Variants in PDGFRL observed in about 807,000 individuals in gnomAD.
PDGFRL encodes the protein platelet-derived growth factor receptor-like protein.
In PDGFRL, 46 loss-of-function variants were observed where a neutral mutation model predicts 37.2. The ratio of observed to expected loss-of-function variants is 1.24; its 90% CI spans 0.98 to 1.58. PDGFRL has a LOEUF of 1.58. PDGFRL is among the 40% of genes most tolerant of loss of function. The pLI is 0.00. For missense variants in PDGFRL, 692 were observed against 467.6 expected (o/e 1.48, Z -4.43); for synonymous variants, 251 against 184.3 (o/e 1.36, Z -2.93).
At chr8:17,628,267 T>C (rs1243686195) in intron 3 of PDGFRL, among the ~76,000 whole-genome samples, 1 of 152,056 alleles carries the variant, frequency 6.6e-6, no homozygotes, top group Non-Finnish European at 1.5e-5. Flanking sequence ...GTGCTGGGAT[T>C]ACAGGTGTGA....
At chr8:17,607,332 ATAGTTTTGGGGAAAACGTCTTC>A (rs1367300853) in intron 2 of PDGFRL, among the ~76,000 whole-genome samples, 1 of 152,158 alleles carries the variant, frequency 6.6e-6, no homozygotes, top group African/African-American at 2.4e-5. Context: ...AGCACGTTCT[ATAGTTTTGGGGAAAACGTCTTC>A]TGCTAACTCT....
Position 17,642,603 on chromosome 8 carries a change from C to T in PDGFRL, c.940-10C>T, listed in dbSNP as rs375509580. The T allele has an allele frequency of 3.0e-5, 48 of 1,580,710 alleles. No individual in the cohort carries two copies. Among genetic ancestry groups the T allele is most frequent in the South Asian group, 8.9e-5 (8 of 90,238 alleles). On this transcript the variant is annotated splice_polypyrimidine_tract_variant and intron_variant, in intron 5 of 5. Transcript: ENST00000251630. ...CTCTTGCTTCAGTCTTTGTGGGTGT[C>T]GTTAAACAGGATGAAAGGCCTGTGA...
At chr8:17,609,587 G>A (rs1486574491) in intron 2 of PDGFRL, among the ~76,000 whole-genome samples, 5 of 126,958 alleles carry the variant, frequency 3.9e-5, no homozygotes, top group Non-Finnish European at 6.3e-5. Context: ...GCAGTGAGCT[G>A]AGATCACGCC....
intron 2 of PDGFRL, chr8:17,596,448 G>C: frequency 2.1e-6 from 1 of 476,436 alleles, no homozygotes; most frequent in Non-Finnish European, 3.3e-6. Context: ...TAAAAAAACA[G>C]AATTGATATA....
intron 3 of PDGFRL, among the ~76,000 whole-genome samples, chr8:17,626,042 G>A (rs577544470): frequency 5.9e-5 from 9 of 152,226 alleles, no homozygotes; most frequent in East Asian, 1.9e-4. Flanking sequence ...AAATTCACAC[G>A]GTTCACTTAT....
rs17116461 is a variant in PDGFRL, at chr8:17,596,720, A to G, written c.353+6955A>G. On this transcript the variant is annotated intron_variant, in intron 2 of 5. Coordinates refer to ENST00000251630, the MANE Select transcript of PDGFRL (RefSeq NM_001372073.1). ...CACAGCAAGAGCCTTAGAAGAAAGT[A>G]ATGACAGATGTGGGCTTCCAAAAAC... Among the ~76,000 whole-genome samples the G allele has an allele frequency of 7.2e-3, 1,099 of 152,178 alleles. 16 individuals carry two copies. Among genetic ancestry groups the G allele is most frequent in the African/African-American group, 0.025 (1,033 of 41,438 alleles).
intron 2 of PDGFRL, among the ~76,000 whole-genome samples, chr8:17,597,892 T>C (rs1332030077): frequency 6.6e-6 from 1 of 152,208 alleles, no homozygotes; most frequent in Non-Finnish European, 1.5e-5. Flanking sequence ...TGTTGTAACC[T>C]GCAGTGATTT....
At chr8:17,620,130 T>C (rs1024505504) in intron 2 of PDGFRL, among the ~76,000 whole-genome samples, 1 of 152,136 alleles carries the variant, frequency 6.6e-6, no homozygotes, top group Non-Finnish European at 1.5e-5. Flanking sequence ...GCCAGGCTCA[T>C]TGTTTAATTT....
chr8:17,640,268 C>A (rs1216903590), intron 5 of PDGFRL, among the ~76,000 whole-genome samples: 1 of 152,144 alleles, frequency 6.6e-6, no homozygotes, highest in Non-Finnish European at 1.5e-5. Flanking sequence ...CTTCTGAATT[C>A]TTTTTCTGGC....
chr8:17,620,291 G>A (rs1804605005), intron 2 of PDGFRL, among the ~76,000 whole-genome samples: 4 of 152,056 alleles, frequency 2.6e-5, no homozygotes, highest in Admixed American at 2.0e-4. Flanking sequence ...TTTTAGTGGT[G>A]ACACATTGGT....
chr8:17,612,269 T>C (rs1179064405), intron 2 of PDGFRL, among the ~76,000 whole-genome samples: 1 of 152,226 alleles, frequency 6.6e-6, no homozygotes, highest in Non-Finnish European at 1.5e-5. Flanking sequence ...ATTTATGCAG[T>C]ATCTGTTTCA....
rs1186677501 is a variant in PDGFRL, at chr8:17,584,952, G to C, written c.56-4516G>C. On this transcript the variant is annotated intron_variant, in intron 1 of 5. Coordinates refer to ENST00000251630, the MANE Select transcript of PDGFRL (RefSeq NM_001372073.1). ...CTGCTTATACTTACGGTTACTTCTT[G>C]ATTATATGCTAAACAAGGGGTGGAT... Among the ~76,000 whole-genome samples the C allele has an allele frequency of 2.6e-5, 4 of 152,086 alleles. 1 individual carries two copies. The highest frequency in any genetic ancestry group is 3.9e-4 in the East Asian group (2 of 5,186).
chr8:17,591,757 C>G (rs1026482130), intron 2 of PDGFRL, among the ~76,000 whole-genome samples: 1 of 152,038 alleles, frequency 6.6e-6, no homozygotes, highest in Non-Finnish European at 1.5e-5. Flanking sequence ...TCTCTACTAA[C>G]AATATAAAAA....
In PDGFRL at chr8:17,589,176, G is replaced by A. The variant is rs556837422; in HGVS notation, c.56-292G>A. 5.4e-4 allele frequency among the ~76,000 whole-genome samples: 82 copies of A among 152,136 alleles called. 2 individuals carry two copies. The highest frequency in any genetic ancestry group is 1.5e-3 in the South Asian group (7 of 4,820). ...GTGGATCACCTGAGGTCAGGACTTCGAGACCAGCCTGACCAACGTGCTGAG... is the reference window on the plus strand; with the variant it reads ...GTGGATCACCTGAGGTCAGGACTTCAAGACCAGCCTGACCAACGTGCTGAG... On this transcript the variant is annotated intron_variant, in intron 1 of 5. Transcript: ENST00000251630.
At chr8:17,583,917 C>G (rs1055791197) in intron 1 of PDGFRL, among the ~76,000 whole-genome samples, 1 of 152,172 alleles carries the variant, frequency 6.6e-6, no homozygotes, top group Non-Finnish European at 1.5e-5. Flanking sequence ...TTCTGGCCAG[C>G]AGAACTGTGA....
chr8:17,623,900 G>C (rs1330795721), intron 3 of PDGFRL, among the ~76,000 whole-genome samples: 1 of 148,772 alleles, frequency 6.7e-6, no homozygotes, highest in Admixed American at 6.7e-5. Context: ...GGCTCTCTTT[G>C]AGTTTTGGAG....
intron 3 of PDGFRL, among the ~76,000 whole-genome samples, chr8:17,627,768 G>A (rs1050742990): frequency 1.3e-5 from 2 of 151,640 alleles, no homozygotes; most frequent in African/African-American, 4.8e-5. Context: ...GAGCCACCAC[G>A]CCTGGCCAGA....
At chr8:17,599,139 T>C (rs1804114259) in intron 2 of PDGFRL, among the ~76,000 whole-genome samples, 1 of 152,220 alleles carries the variant, frequency 6.6e-6, no homozygotes, top group Non-Finnish European at 1.5e-5. Flanking sequence ...TCTCTCTCTT[T>C]TAAAATTTTA....
At chr8:17,627,034 C>G (rs1045669100) in intron 3 of PDGFRL, among the ~76,000 whole-genome samples, 1 of 152,180 alleles carries the variant, frequency 6.6e-6, no homozygotes, top group Non-Finnish European at 1.5e-5. Context: ...TTGGCAGGCG[C>G]CAGATCCTCT....
Sources: allele counts gnomAD v4.1 joint callset (sites outside exome capture counted in the v4.1 genomes callset), GRCh38; gene constraint gnomAD v4.1.1; transcripts MANE v1.5; gene names NCBI Gene and HGNC (gene_info 2026-07-23, HGNC 2026-07-21).